RAB38: variants seen among roughly 807,000 people sequenced by gnomAD.
RAB38 encodes the protein RAB38, member RAS oncogene family.
A neutral mutation model predicts 18.4 loss-of-function variants in RAB38; 15 were observed. The observed-to-expected ratio is 0.82, with a 90% CI of 0.55 to 1.26. The LOEUF (loss-of-function observed/expected upper bound fraction) is 1.26, where lower values mean the gene tolerates loss of function less well. Among genes scored for constraint, RAB38 ranks in the 50% most tolerant of loss-of-function variants. The pLI is 0.00. For missense variants in RAB38, 294 were observed against 267.4 expected, an observed-to-expected ratio of 1.10 and a Z score of -0.69; for synonymous variants, 101 against 104.4, an observed-to-expected ratio of 0.97 and a Z score of 0.20.
At chr11:87,873,651 G>A in the RAB38 span, among the ~76,000 whole-genome samples, 111 of 151,446 alleles carry the variant, frequency 7.3e-4, no homozygotes, top group African/African-American at 2.6e-3. Flanking sequence ...TAAAGTCTGT[G>A]TCTAGATTTT....
the RAB38 span, among the ~76,000 whole-genome samples, chr11:88,033,251 T>G: frequency 6.6e-6 from 1 of 151,890 alleles, no homozygotes; most frequent in Non-Finnish European, 1.5e-5. Context: ...GGGGGAGGGA[T>G]AGCATTGGGA....
chr11:87,887,945 C>T, the RAB38 span, among the ~76,000 whole-genome samples: 1 of 151,810 alleles, frequency 6.6e-6, no homozygotes, highest in East Asian at 2.0e-4. Context: ...TTTTATACAA[C>T]ATTCTCCCCT....
chr11:87,932,013 G>C, the RAB38 span, among the ~76,000 whole-genome samples: 1 of 151,902 alleles, frequency 6.6e-6, no homozygotes, highest in Non-Finnish European at 1.5e-5. Context: ...TGCTGCTTCT[G>C]AGGATGAAAT....
chr11:87,888,521 A>C, the RAB38 span, among the ~76,000 whole-genome samples: 1 of 151,930 alleles, frequency 6.6e-6, no homozygotes, highest in Non-Finnish European at 1.5e-5. Flanking sequence ...TAGGATAAAG[A>C]TAATCCGTGC....
intron 2 of RAB38, among the ~76,000 whole-genome samples, chr11:88,116,575 C>A (rs1942555771): frequency 6.6e-6 from 1 of 152,194 alleles, no homozygotes; most frequent in Non-Finnish European, 1.5e-5. Flanking sequence ...TTTCTGACAT[C>A]AAAGCCTGGC....
the RAB38 span, among the ~76,000 whole-genome samples, chr11:87,866,793 C>T: frequency 1.3e-5 from 2 of 151,692 alleles, no homozygotes; most frequent in Non-Finnish European, 3.0e-5. Context: ...CTTCGACATG[C>T]CCAGAATGGA....
the RAB38 span, among the ~76,000 whole-genome samples, chr11:88,044,803 C>G: frequency 1.4e-4 from 21 of 152,100 alleles, no homozygotes; most frequent in African/African-American, 5.1e-4. Context: ...ACAGACCCAT[C>G]TGACCTCTCC....
chr11:88,012,952 T>C, the RAB38 span, among the ~76,000 whole-genome samples: 1 of 152,144 alleles, frequency 6.6e-6, no homozygotes, highest in Non-Finnish European at 1.5e-5. Context: ...AGTATTGTGT[T>C]ACAAAGAGGG....
At chr11:88,023,163 A>C in the RAB38 span, among the ~76,000 whole-genome samples, 2 of 152,158 alleles carry the variant, frequency 1.3e-5, no homozygotes, top group African/African-American at 4.8e-5. Context: ...AGTTAAAAAA[A>C]ATGAGAGAAA....
At chr11:87,950,792 G>T in the RAB38 span, among the ~76,000 whole-genome samples, 1 of 152,132 alleles carries the variant, frequency 6.6e-6, no homozygotes. Context: ...TGGGTAACCC[G>T]ACCTTTCTCT....
chr11:87,919,347 C>A, the RAB38 span, among the ~76,000 whole-genome samples: 155 of 151,782 alleles, frequency 1.0e-3, no homozygotes, highest in African/African-American at 3.6e-3. Context: ...TTCTTTTCTT[C>A]ATCTGTTGAG....
chr11:87,968,761 C>A, the RAB38 span, among the ~76,000 whole-genome samples: 7 of 151,984 alleles, frequency 4.6e-5, no homozygotes, highest in Non-Finnish European at 8.8e-5. Context: ...AGACTTGTAA[C>A]AAAGAGTTGA....
chr11:87,844,374 C>G, the RAB38 span, among the ~76,000 whole-genome samples: 1 of 152,094 alleles, frequency 6.6e-6, no homozygotes, highest in Admixed American at 6.6e-5. Flanking sequence ...TCAGTATATG[C>G]CAGGCCTTAT....
chr11:88,165,837 A>C (rs916557509), intron 1 of RAB38: 1 of 152,154 alleles, frequency 6.6e-6, no homozygotes, highest in Non-Finnish European at 1.5e-5. Flanking sequence ...TTATGCAGCA[A>C]ATAACTCACA....
chr11:88,132,121 C>A (rs1384836642), intron 2 of RAB38, among the ~76,000 whole-genome samples: 2 of 152,148 alleles, frequency 1.3e-5, no homozygotes, highest in East Asian at 3.8e-4. Context: ...GAGTAAAGGA[C>A]CCAACCAACC....
chr11:87,954,792 G>C, the RAB38 span, among the ~76,000 whole-genome samples: 1 of 152,062 alleles, frequency 6.6e-6, no homozygotes, highest in Non-Finnish European at 1.5e-5. Context: ...AATGTGATGG[G>C]CACCTACTGT....
the RAB38 span, among the ~76,000 whole-genome samples, chr11:87,855,420 A>G: frequency 1.3e-5 from 2 of 152,170 alleles, no homozygotes; most frequent in Non-Finnish European, 2.9e-5. Flanking sequence ...CTGAGGTTGT[A>G]TATCAACTCA....
chr11:88,145,059 T>C (rs543384471), intron 2 of RAB38, among the ~76,000 whole-genome samples: 7 of 152,002 alleles, frequency 4.6e-5, no homozygotes, highest in African/African-American at 9.7e-5. Flanking sequence ...GTAGAGACAG[T>C]AGGAATGGTG....
chr11:88,069,322 C>T, the RAB38 span, among the ~76,000 whole-genome samples: 29 of 152,286 alleles, frequency 1.9e-4, no homozygotes, highest in Middle Eastern at 6.8e-3. Context: ...CCCGCCATGC[C>T]GGAGGGCCCC....
Sources: allele counts gnomAD v4.1 joint callset (sites outside exome capture counted in the v4.1 genomes callset), GRCh38; gene constraint gnomAD v4.1.1; transcripts MANE v1.5; gene names NCBI Gene and HGNC (gene_info 2026-07-23, HGNC 2026-07-21).